PTPRG: variants seen among roughly 807,000 people sequenced by gnomAD.
The protein encoded by PTPRG is protein tyrosine phosphatase receptor type G.
Under a neutral mutation model 165.3 loss-of-function variants are expected in PTPRG, and 102 were observed. The ratio of observed to expected loss-of-function variants is 0.62; its 90% CI spans 0.53 to 0.73. The LOEUF (loss-of-function observed/expected upper bound fraction) is 0.73. PTPRG is among the 30% of genes least tolerant of loss of function. PTPRG has a pLI of 0.00. For synonymous variants in PTPRG, 675 were observed against 669.5 expected (o/e 1.01, Z -0.13); for missense variants, 1,866 against 1,861.4 (o/e 1.00, Z -0.05).
intron 1 of PTPRG, chr3:61,743,019 C>T: frequency 1.9e-6 from 3 of 1,577,520 alleles, no homozygotes; most frequent in South Asian, 2.2e-5. Context: ...ACTCCACCGT[C>T]TCCAGGAACT....
chr3:61,637,270 C>T (rs1017791219), intron 1 of PTPRG, among the ~76,000 whole-genome samples: 1 of 152,224 alleles, frequency 6.6e-6, no homozygotes, highest in African/African-American at 2.4e-5. Context: ...GCAGCTCAGA[C>T]TACAATTTGA....
chr3:61,682,149 CAA>C (rs35398190), intron 1 of PTPRG, among the ~76,000 whole-genome samples: 1 of 96,784 alleles, frequency 1.0e-5, no homozygotes, highest in South Asian at 4.0e-4. Flanking sequence ...ACTCCTGTCT[CAA>C]AAAAAAAAAA....
At chr3:62,121,588 G>A (rs549557799) in intron 5 of PTPRG, among the ~76,000 whole-genome samples, 1 of 152,244 alleles carries the variant, frequency 6.6e-6, no homozygotes, top group East Asian at 1.9e-4. Flanking sequence ...TTCACCTACA[G>A]GGGATCCATC....
chr3:62,149,656 G>A lies in PTPRG; in HGVS notation c.683-7411G>A, dbSNP rs558707962. Among the ~76,000 whole-genome samples the A allele has an allele frequency of 2.0e-5, 3 of 152,114 alleles. No homozygotes were observed. In the East Asian group the frequency reaches 5.8e-4, roughly 29 times the overall value. ...CCTCTTTCTTTCCTCCCAACTTGCC[G>A]TTTCTCACCCCTGTGTTTGGCAGGC... On this transcript the variant is annotated intron_variant, in intron 6 of 29. Coordinates refer to ENST00000474889, the MANE Select transcript of PTPRG (RefSeq NM_002841.4).
chr3:61,596,624 G>A (rs984610031), intron 1 of PTPRG, among the ~76,000 whole-genome samples: 2 of 152,096 alleles, frequency 1.3e-5, no homozygotes, highest in Admixed American at 6.5e-5. Context: ...CAGAAAGTCC[G>A]AGACCCATTC....
chr3:62,191,141 G>A (rs991692377), intron 8 of PTPRG, among the ~76,000 whole-genome samples: 4 of 151,070 alleles, frequency 2.6e-5, no homozygotes, highest in Non-Finnish European at 4.4e-5. Context: ...GTGCGTCTGT[G>A]TCCCGTGCAC....
chr3:61,886,638 G>C (rs376985512), intron 2 of PTPRG, among the ~76,000 whole-genome samples: 1 of 152,110 alleles, frequency 6.6e-6, no homozygotes, highest in Non-Finnish European at 1.5e-5. Flanking sequence ...AGGAAGATGG[G>C]GAGTTAACAG....
intron 24 of PTPRG, 171 bp from the exon 25 acceptor site, chr3:62,276,801 T>C: frequency 3.4e-6 from 2 of 582,960 alleles, no homozygotes; most frequent in South Asian, 4.7e-5. Context: ...CAAAATTTCA[T>C]TTTACATTCT....
rs564761041 is a variant in PTPRG, at chr3:62,166,197, C to CT, written c.841-1738dup. Among the ~76,000 whole-genome samples the CT allele has an allele frequency of 7.2e-3, 386 of 53,936 alleles. 133 individuals are homozygous for CT. The highest frequency in any genetic ancestry group is 0.01 in the Non-Finnish European group (297 of 29,512). The allele number at this position is 53,936 out of a possible 152,430, so 35.4% of individuals were successfully genotyped here. A position where few individuals can be genotyped will look rare whatever the true frequency, so the allele number is the denominator to read the frequency against. Reference sequence around the variant, plus strand: ...TGGCTGCATATTTCAAATTACAGTTCTTTTTTTTTTTTTTTTTTTTTTTTT... The same window carrying CT: ...TGGCTGCATATTTCAAATTACAGTTCTTTTTTTTTTTTTTTTTTTTTTTTTT... On this transcript the variant is annotated intron_variant, in intron 7 of 29. Coordinates refer to ENST00000474889, the MANE Select transcript of PTPRG (RefSeq NM_002841.4).
chr3:61,810,269 T>A (rs1192809803), intron 2 of PTPRG, among the ~76,000 whole-genome samples: 7 of 152,148 alleles, frequency 4.6e-5, no homozygotes, highest in Non-Finnish European at 8.8e-5. Flanking sequence ...AAAATGAGTT[T>A]AGGGTGCAGG....
At chr3:62,154,262 C>G (rs1335337940) in intron 6 of PTPRG, among the ~76,000 whole-genome samples, 1 of 152,114 alleles carries the variant, frequency 6.6e-6, no homozygotes, top group African/African-American at 2.4e-5. Context: ...ATCACAAAGT[C>G]CTAAGATTCA....
intron 2 of PTPRG, among the ~76,000 whole-genome samples, chr3:61,813,553 G>GTGTGTT (rs1414450018): frequency 7.2e-6 from 1 of 139,334 alleles, no homozygotes; most frequent in African/African-American, 2.7e-5. Flanking sequence ...CTGTGTGTGT[G>GTGTGTT]TGTGTGTGTG....
At chr3:61,784,062 G>A (rs2034621809) in intron 2 of PTPRG, among the ~76,000 whole-genome samples, 1 of 152,172 alleles carries the variant, frequency 6.6e-6, no homozygotes, top group African/African-American at 2.4e-5. Flanking sequence ...TATTAAAGAA[G>A]CTGAAAAACC....
chr3:61,939,623 C>T (rs1237229596), intron 2 of PTPRG, among the ~76,000 whole-genome samples: 4 of 152,284 alleles, frequency 2.6e-5, no homozygotes, highest in Non-Finnish European at 4.4e-5. Context: ...AATAATAGTA[C>T]ATGAAATGGT....
At chr3:62,100,248 G>T (rs1219176530) in intron 5 of PTPRG, among the ~76,000 whole-genome samples, 2 of 152,062 alleles carry the variant, frequency 1.3e-5, no homozygotes, top group Non-Finnish European at 2.9e-5. Context: ...ATTTAGAAGG[G>T]TCTATGACCC....
intron 2 of PTPRG, among the ~76,000 whole-genome samples, chr3:61,806,876 ACCC>A (rs1666458801): frequency 6.6e-6 from 1 of 152,132 alleles, no homozygotes; most frequent in South Asian, 2.1e-4. Flanking sequence ...TGGCTTGTGT[ACCC>A]CTCTAAGTTC....
intron 1 of PTPRG, among the ~76,000 whole-genome samples, chr3:61,721,530 G>T (rs1238893962): frequency 6.6e-6 from 1 of 152,176 alleles, no homozygotes; most frequent in Non-Finnish European, 1.5e-5. Flanking sequence ...AACTGATGGG[G>T]TTTGACCATC....
chr3:61,754,587 T>C (rs772218368), intron 2 of PTPRG, among the ~76,000 whole-genome samples: 1 of 152,116 alleles, frequency 6.6e-6, no homozygotes, highest in Non-Finnish European at 1.5e-5. Flanking sequence ...AGTGGACAAG[T>C]GGATACACGG....
At chr3:62,244,061 G>C (rs369005990) in intron 15 of PTPRG, among the ~76,000 whole-genome samples, 163 bp downstream of exon 15, 1 of 152,278 alleles carries the variant, frequency 6.6e-6, no homozygotes. Flanking sequence ...GTAGTATACA[G>C]TCATAGGCAG....
Sources: gnomAD v4.1 joint callset for allele counts (sites outside exome capture counted in the v4.1 genomes callset) on GRCh38, gnomAD v4.1.1 for gene constraint, MANE v1.5 for transcripts, NCBI Gene and HGNC (gene_info 2026-07-23, HGNC 2026-07-21) for gene names.